The following SNX29 variants were observed in gnomAD, a reference collection of about 807,000 sequenced individuals.
SNX29 encodes the protein sorting nexin-29.
In SNX29, 78 loss-of-function variants were observed where a neutral mutation model predicts 102.1. That is an observed-to-expected ratio of 0.76 (90% CI 0.64 to 0.92). The LOEUF (loss-of-function observed/expected upper bound fraction) is 0.92, where lower values mean the gene tolerates loss of function less well. SNX29 is among the 40% of genes least tolerant of loss of function. SNX29 has a pLI of 0.00. For missense variants in SNX29, 1,280 were observed against 1,061.7 expected (o/e 1.21, Z -2.86); for synonymous variants, 580 against 414.5 (o/e 1.40, Z -4.85).
At chr16:12,109,477 G>T (rs2053415643) in intron 11 of SNX29, among the ~76,000 whole-genome samples, 1 of 152,190 alleles carries the variant, frequency 6.6e-6, no homozygotes, top group South Asian at 2.1e-4. Flanking sequence ...CCACGTCTCA[G>T]TACTGCTACT....
chr16:12,388,999 A>G (rs1420373508), intron 16 of SNX29, among the ~76,000 whole-genome samples: 1 of 152,206 alleles, frequency 6.6e-6, no homozygotes, highest in African/African-American at 2.4e-5. Flanking sequence ...CCTGCCGCTT[A>G]AACATCCTTG....
chr16:12,413,899 G>A (rs1053250485), intron 18 of SNX29, among the ~76,000 whole-genome samples: 21 of 152,274 alleles, frequency 1.4e-4, no homozygotes, highest in African/African-American at 4.6e-4. Context: ...TGTCTGGGGG[G>A]GATTGGTTCC....
intron 18 of SNX29, among the ~76,000 whole-genome samples, chr16:12,426,076 GTTATC>G (rs1357506999): frequency 1.3e-5 from 2 of 151,592 alleles, no homozygotes; most frequent in Admixed American, 6.6e-5. Flanking sequence ...TGGTTTTTTA[GTTATC>G]TTATTTTTTT....
intron 14 of SNX29, among the ~76,000 whole-genome samples, chr16:12,230,099 T>A (rs1384534462): frequency 6.6e-6 from 1 of 152,218 alleles, no homozygotes; most frequent in Non-Finnish European, 1.5e-5. Context: ...CAGCCCGGAT[T>A]TAGCCTCAGG....
intron 15 of SNX29, among the ~76,000 whole-genome samples, chr16:12,343,188 G>A (rs1343884216): frequency 6.6e-6 from 1 of 152,170 alleles, no homozygotes; most frequent in Non-Finnish European, 1.5e-5. Context: ...ATGAGAACAC[G>A]ACAAAGAGCC....
chr16:12,509,233 G>A lies in SNX29; in HGVS notation c.2179-15469G>A, dbSNP rs532452586. Among the ~76,000 whole-genome samples, 9 of 152,328 alleles carry A rather than the reference G, an allele frequency of 5.9e-5. No homozygotes were observed. In the East Asian group the frequency reaches 1.2e-3, roughly 20 times the overall value. On this transcript the variant is annotated intron_variant, in intron 19 of 20. Transcript: ENST00000566228. ...GTGACCGTCACAGTTGGAATCGAGTGTGAAGGGATTCAGGGCATGGGGAGG... is the reference window on the plus strand; with the variant it reads ...GTGACCGTCACAGTTGGAATCGAGTATGAAGGGATTCAGGGCATGGGGAGG...
At position 12,448,779 on chromosome 16, in the gene SNX29, C is replaced by T. The variant is rs549618047; in HGVS notation, c.2038-28940C>T. Among the ~76,000 whole-genome samples, 4 of 152,306 alleles carry T rather than the reference C, an allele frequency of 2.6e-5. No individual in the cohort carries two copies. The South Asian group carries it at 8.3e-4, about 32-fold the overall frequency. ...CATAGTCATGTCTGTCAGTCTTTCTCCAAGACAACAAGCTGTCCTGATCAG... is the reference window on the plus strand; with the variant it reads ...CATAGTCATGTCTGTCAGTCTTTCTTCAAGACAACAAGCTGTCCTGATCAG... On this transcript the variant is annotated intron_variant, in intron 18 of 20. Coordinates refer to ENST00000566228, the MANE Select transcript of SNX29 (RefSeq NM_032167.5).
At chr16:12,308,819 C>T (rs974431027) in intron 15 of SNX29, among the ~76,000 whole-genome samples, 2 of 152,034 alleles carry the variant, frequency 1.3e-5, no homozygotes, top group African/African-American at 4.8e-5. Flanking sequence ...GAAACAAGAA[C>T]GCCTGCCTGC....
chr16:12,363,251 A>G (rs891559209), intron 16 of SNX29, among the ~76,000 whole-genome samples: 7 of 152,192 alleles, frequency 4.6e-5, no homozygotes, highest in African/African-American at 1.7e-4. Flanking sequence ...GGCAGAAGAA[A>G]GAAGGCCGTT....
At chr16:12,413,669 C>G (rs72771562) in intron 18 of SNX29, among the ~76,000 whole-genome samples, 1,999 of 152,290 alleles carry the variant, frequency 0.013, 29 homozygotes, top group Non-Finnish European at 0.023. Flanking sequence ...TGTTCATCCT[C>G]TCTCCTGTTG....
chr16:12,130,002 G>C (rs958340025), intron 13 of SNX29, among the ~76,000 whole-genome samples: 5 of 151,616 alleles, frequency 3.3e-5, no homozygotes, highest in Non-Finnish European at 7.4e-5. Context: ...TACTTGGGAG[G>C]CTGAGGCAGG....
In SNX29 at chr16:12,051,971, C is replaced by T. The variant is rs770055821; in HGVS notation, c.873C>T (p.Ser291=). 1.9e-6 allele frequency: 3 copies of T among 1,613,810 alleles called. No individual in the cohort carries two copies. The highest frequency in any genetic ancestry group is 2.5e-6 in the Non-Finnish European group (3 of 1,179,862). The change falls in exon 8 of 21, where the codon AGC becomes AGT. Residue 291 remains serine, a synonymous_variant. Coordinates refer to ENST00000566228, the MANE Select transcript of SNX29 (RefSeq NM_032167.5). ...VFKKTPGAGE[S]SEDNSDRSSV... ...AAAAGACACCTGGGGCAGGGGAGAGCTCAGAGGACAACTCCGACCGCTCCT... is the reference window on the plus strand; with the variant it reads ...AAAAGACACCTGGGGCAGGGGAGAGTTCAGAGGACAACTCCGACCGCTCCT...
At chr16:12,564,875 C>A (rs1042068590) in intron 20 of SNX29, among the ~76,000 whole-genome samples, 5 of 149,954 alleles carry the variant, frequency 3.3e-5, no homozygotes, top group African/African-American at 1.2e-4. Flanking sequence ...GAGAATTTCA[C>A]TCTGAGGATC....
Position 12,570,271 on chromosome 16 carries a change from G to T in SNX29, c.*1642G>T, listed in dbSNP as rs1296616699. 4.7e-6 allele frequency: 5 copies of T among 1,064,960 alleles called. No homozygotes were observed. Among genetic ancestry groups the T allele is most frequent in the Non-Finnish European group, 4.5e-6 (4 of 879,124 alleles). 66.0% of individuals were successfully genotyped at this position (1,064,960 alleles called of 1,614,324 possible). Reference sequence around the variant, plus strand: ...GAGCTGGAGCATGTATGGAGGTGCGGACCCTGCAGTCAGTTTGCGAGTGTG... The same window carrying T: ...GAGCTGGAGCATGTATGGAGGTGCGTACCCTGCAGTCAGTTTGCGAGTGTG... On this transcript the variant is annotated 3_prime_UTR_variant, in exon 21 of 21. Coordinates refer to ENST00000566228, the MANE Select transcript of SNX29 (RefSeq NM_032167.5).
intron 19 of SNX29, among the ~76,000 whole-genome samples, chr16:12,519,790 C>A (rs909147819): frequency 4.6e-5 from 7 of 152,116 alleles, no homozygotes; most frequent in African/African-American, 1.7e-4. Context: ...GGAGTATCAC[C>A]TGAGGGCAGG....
At chr16:12,453,497 AAAAC>A (rs1311207208) in intron 18 of SNX29, among the ~76,000 whole-genome samples, 1 of 152,198 alleles carries the variant, frequency 6.6e-6, no homozygotes, top group African/African-American at 2.4e-5. Context: ...AAGAGAAGTA[AAAAC>A]AAACAAAGTG....
At chr16:12,220,599 G>A (rs78281026) in intron 14 of SNX29, among the ~76,000 whole-genome samples, 3,717 of 152,284 alleles carry the variant, frequency 0.024, 154 homozygotes, top group African/African-American at 0.085. Flanking sequence ...CCTGCATGTT[G>A]CGTTGTTTCT....
At chr16:12,272,287 T>C (rs1203081626) in intron 14 of SNX29, among the ~76,000 whole-genome samples, 1 of 152,038 alleles carries the variant, frequency 6.6e-6, no homozygotes, top group Non-Finnish European at 1.5e-5. Flanking sequence ...TGATTGCTAA[T>C]GAGATGTGTG....
intron 20 of SNX29, among the ~76,000 whole-genome samples, chr16:12,550,783 TGAGATAAGG>T (rs1239953628): frequency 2.8e-5 from 4 of 142,850 alleles, no homozygotes; most frequent in Non-Finnish European, 6.1e-5. Context: ...GCTGAATAGC[TGAGATAAGG>T]AAGAGGGAGC....
Sources: gnomAD v4.1 joint callset for allele counts (sites outside exome capture counted in the v4.1 genomes callset) on GRCh38, gnomAD v4.1.1 for gene constraint, MANE v1.5 for transcripts, NCBI Gene and HGNC (gene_info 2026-07-23, HGNC 2026-07-21) for gene names.